The following TAF1 variants were observed in gnomAD, a reference collection of about 807,000 sequenced individuals.
TAF1 encodes transcription initiation factor TFIID subunit 1.
TAF1 carries 2 observed loss-of-function variants against 138.5 expected under a neutral mutation model. That is an observed-to-expected ratio of 0.01 (90% CI 0.01 to 0.05). The LOEUF is 0.05. Ranked by LOEUF, TAF1 falls within the 10% of genes least tolerant of loss-of-function variation. The pLI, the probability that TAF1 is intolerant of heterozygous loss-of-function variation, is 1.00. For missense variants in TAF1, 709 were observed against 1,478.0 expected, an observed-to-expected ratio of 0.48 and a Z score of 8.53; for synonymous variants, 437 against 503.2, an observed-to-expected ratio of 0.87 and a Z score of 1.76.
At chrX:71,407,510 G>A in intron 26 of TAF1, 64 bp from the exon 27 acceptor site, 1 of 1,044,672 alleles carries the variant, frequency 9.6e-7, no homozygotes, top group Non-Finnish European at 1.3e-6. Context: ...GAGCTACTGT[G>A]CCTGGACAGA....
chrX:71,439,136 A>T (rs1218450516), intron 32 of TAF1, among the ~76,000 whole-genome samples: 1 of 111,666 alleles, frequency 9.0e-6, no homozygotes, highest in Non-Finnish European at 1.9e-5. Context: ...TCTCAATGGA[A>T]CTTAAAACAT....
chrX:71,507,351 C>T (rs1215921747), intron 13 of TAF1, among the ~76,000 whole-genome samples: 1 of 111,135 alleles, frequency 9.0e-6, no homozygotes, highest in African/African-American at 3.3e-5. Context: ...CCACCTCAGC[C>T]TCCCAAGTAG....
intron 13 of TAF1, among the ~76,000 whole-genome samples, chrX:71,490,752 A>G (rs1215775556): frequency 1.1e-4 from 11 of 101,517 alleles, no homozygotes; most frequent in Admixed American, 6.3e-4. Context: ...TTTTTGAGAC[A>G]GAGTCTCACT....
At chrX:71,498,352 T>C (rs1401531327) in intron 13 of TAF1, among the ~76,000 whole-genome samples, 1 of 111,237 alleles carries the variant, frequency 9.0e-6, no homozygotes, top group Admixed American at 9.6e-5. Flanking sequence ...GAGAGCAGGG[T>C]ATAGGGGTTG....
At chrX:71,376,763 T>TG in intron 4 of TAF1, among the ~76,000 whole-genome samples, 187 bp from the exon 5 acceptor site, 1 of 111,078 alleles carries the variant, frequency 9.0e-6, no homozygotes. Context: ...CGTGGTGAGT[T>TG]GGGGGACGAT....
chrX:71,412,892 T>C (rs12851412), intron 28 of TAF1, among the ~76,000 whole-genome samples: 1 of 112,154 alleles, frequency 8.9e-6, no homozygotes, highest in African/African-American at 3.2e-5. Flanking sequence ...CTTTTTTTAA[T>C]TTTAATTTTT....
Position 71,376,493 on chromosome X carries a change from C to T in TAF1, c.473-457C>T, listed in dbSNP as rs2033478666. Among the ~76,000 whole-genome samples, 3 of 109,753 alleles carry T rather than the reference C, an allele frequency of 2.7e-5. No individual in the cohort carries two copies. In the South Asian group the frequency reaches 1.2e-3, roughly 42 times the overall value. ...CCAGACTGGCCAAGATGGTGAAACC[C>T]CGTCTCTACTAAAAATGCAAAAATT... is the stretch of plus-strand genomic sequence containing the variant. On this transcript the variant is annotated intron_variant, in intron 4 of 37. Transcript: ENST00000423759.
At chrX:71,390,785 C>T (rs1273539588) in intron 18 of TAF1, among the ~76,000 whole-genome samples, 2 of 111,572 alleles carry the variant, frequency 1.8e-5, no homozygotes, top group African/African-American at 6.5e-5. Context: ...CACCTGAGGT[C>T]AGGAGTTCGA....
At chrX:71,419,940 C>A (rs373087551) in intron 28 of TAF1, 27 of 220,254 alleles carry the variant, frequency 1.2e-4, no homozygotes, top group Non-Finnish European at 1.9e-4. Context: ...ATTCTCCCCC[C>A]CTTCCACAGT....
intron 28 of TAF1, among the ~76,000 whole-genome samples, chrX:71,409,528 A>G (rs1402543188): frequency 8.9e-6 from 1 of 112,161 alleles, no homozygotes; most frequent in Non-Finnish European, 1.9e-5. Flanking sequence ...ATTCACAGAT[A>G]TAAATGTAGG....
intron 32 of TAF1, among the ~76,000 whole-genome samples, chrX:71,434,119 A>G (rs1392845055): frequency 2.7e-5 from 3 of 112,083 alleles, no homozygotes; most frequent in African/African-American, 9.7e-5. Flanking sequence ...CTGTAATCCT[A>G]ATGCTTTGGG....
chrX:71,520,127 T>TTTTATTTA (rs202003899), intron 13 of TAF1, among the ~76,000 whole-genome samples: 10 of 95,450 alleles, frequency 1.0e-4, no homozygotes, highest in South Asian at 5.9e-4. Context: ...AGGCATTTTA[T>TTTTATTTA]TTTATTTATT....
chrX:71,427,199 C>A (rs1318593725), intron 32 of TAF1, among the ~76,000 whole-genome samples: 1 of 111,980 alleles, frequency 8.9e-6, no homozygotes, highest in African/African-American at 3.2e-5. Flanking sequence ...CTAGAACATG[C>A]ATATATCATT....
At chrX:71,449,571 A>G (rs1290341287) in intron 32 of TAF1, among the ~76,000 whole-genome samples, 2 of 112,415 alleles carry the variant, frequency 1.8e-5, no homozygotes, top group Non-Finnish European at 3.8e-5. Flanking sequence ...GAATTGAGAT[A>G]TTGAGAGGTT....
chrX:71,517,829 C>G (rs944380410), intron 13 of TAF1, among the ~76,000 whole-genome samples: 27 of 111,646 alleles, frequency 2.4e-4, no homozygotes, highest in Admixed American at 7.7e-4. Context: ...CTACATTGCC[C>G]AGGCTGGAGT....
At chrX:71,469,349 A>G (rs2038836635), downstream of TAF1, among the ~76,000 whole-genome samples, 1 of 111,491 alleles carries the variant, frequency 9.0e-6, no homozygotes, top group Admixed American at 9.5e-5. Flanking sequence ...GAGACAATAT[A>G]CAAAATTAAG....
At chrX:71,452,754 A>T (rs779384578) in intron 32 of TAF1, among the ~76,000 whole-genome samples, 147 of 111,647 alleles carry the variant, frequency 1.3e-3, no homozygotes, top group African/African-American at 4.7e-3. Context: ...ACGCCACTGC[A>T]CTCCAGCCTG....
rs2035568538 is a variant in TAF1 at position 71,408,105 on chromosome X, C to T, written c.4338C>T (p.Phe1446=). ...GCCTCTACCCATCTCGGGAAGAGTT[C>T]AGAGAGCATCTGGAGCTAATTGTGA... ...RKRLYPSREE[F]REHLELIVKN... Residue 1446 remains phenylalanine, a synonymous_variant, in exon 28 of 38, where the codon TTC becomes TTT. Coordinates refer to ENST00000423759, the MANE Select transcript of TAF1 (RefSeq NM_004606.5). 8.3e-7 allele frequency: 1 copy of T among 1,209,407 alleles called. No homozygotes were observed. Among genetic ancestry groups the T allele is most frequent in the African/African-American group, 1.8e-5 (1 of 57,073 alleles).
intron 3 of TAF1, among the ~76,000 whole-genome samples, chrX:71,368,396 A>C (rs780011083): frequency 9.0e-6 from 1 of 111,706 alleles, no homozygotes; most frequent in East Asian, 2.8e-4. Context: ...CACACTGTTC[A>C]GTCATGAATT....
Sources: allele counts gnomAD v4.1 joint callset (sites outside exome capture counted in the v4.1 genomes callset), GRCh38; gene constraint gnomAD v4.1.1; transcripts MANE v1.5; gene names NCBI Gene and HGNC (gene_info 2026-07-23, HGNC 2026-07-21).